The following PRKAG2 variants were observed in gnomAD, a reference collection of about 807,000 sequenced individuals.
The protein encoded by PRKAG2 is 5'-AMP-activated protein kinase subunit gamma-2.
In PRKAG2, 26 loss-of-function variants were observed where a neutral mutation model predicts 69.6. The observed-to-expected ratio is 0.37, with a 90% confidence interval of 0.27 to 0.52. The LOEUF (loss-of-function observed/expected upper bound fraction) is 0.52, where lower values mean the gene tolerates loss of function less well. Ranked by LOEUF, PRKAG2 falls within the 20% of genes least tolerant of loss-of-function variation. The pLI, the probability that PRKAG2 is intolerant of heterozygous loss-of-function variation, is 0.90. For missense variants in PRKAG2, 557 were observed against 740.0 expected (o/e 0.75, Z 2.87); for synonymous variants, 293 against 285.0 (o/e 1.03, Z -0.28).
At chr7:151,607,000 A>G (rs1817689376) in intron 5 of PRKAG2, among the ~76,000 whole-genome samples, 1 of 152,218 alleles carries the variant, frequency 6.6e-6, no homozygotes, top group South Asian at 2.1e-4. Flanking sequence ...GACTTGAGTT[A>G]CTGCTCTACA....
chr7:151,704,173 T>C (rs1585906293), intron 3 of PRKAG2, among the ~76,000 whole-genome samples: 1 of 152,282 alleles, frequency 6.6e-6, no homozygotes, highest in East Asian at 1.9e-4. Flanking sequence ...GGGATATCCA[T>C]CCTCTCAAGC....
chr7:151,655,948 T>C (rs1476926554), intron 4 of PRKAG2, among the ~76,000 whole-genome samples: 1 of 152,192 alleles, frequency 6.6e-6, no homozygotes, highest in Non-Finnish European at 1.5e-5. Flanking sequence ...TTTAGTTATT[T>C]CTCTGTGACA....
At chr7:151,585,695 G>A (rs1811480457) in intron 6 of PRKAG2, among the ~76,000 whole-genome samples, 1 of 152,338 alleles carries the variant, frequency 6.6e-6, no homozygotes, top group Middle Eastern at 3.4e-3. Flanking sequence ...CAAGTCATCT[G>A]TAAATTAGAT....
intron 7 of PRKAG2, 46 bp from the exon 8 acceptor site, chr7:151,574,995 T>G: frequency 1.9e-6 from 3 of 1,607,156 alleles, no homozygotes; most frequent in Non-Finnish European, 2.5e-6. Flanking sequence ...TGAAAACATT[T>G]TTAAAAATTT....
chr7:151,843,521 T>C (rs1178788020), intron 1 of PRKAG2, among the ~76,000 whole-genome samples: 2 of 152,216 alleles, frequency 1.3e-5, no homozygotes, highest in African/African-American at 4.8e-5. Flanking sequence ...CACTGATTTA[T>C]GGAGTAAAGT....
At chr7:151,618,760 G>C (rs1477008375) in intron 5 of PRKAG2, among the ~76,000 whole-genome samples, 1 of 152,014 alleles carries the variant, frequency 6.6e-6, no homozygotes, top group Admixed American at 6.6e-5. Flanking sequence ...GAGAGATTCC[G>C]TCTCAAAAAA....
intron 1 of PRKAG2, among the ~76,000 whole-genome samples, chr7:151,792,266 T>C (rs562521838): frequency 8.3e-4 from 127 of 152,340 alleles, no homozygotes; most frequent in Non-Finnish European, 1.3e-3. Context: ...CTTCAAGTTC[T>C]TCTTAACTAA....
chr7:151,592,973 C>A (rs1813592204), intron 6 of PRKAG2, among the ~76,000 whole-genome samples: 1 of 152,232 alleles, frequency 6.6e-6, no homozygotes, highest in Non-Finnish European at 1.5e-5. Flanking sequence ...CTCCTCTCAA[C>A]TTAGAGGCTC....
At chr7:151,566,919 C>G (rs1017893165) in intron 11 of PRKAG2, among the ~76,000 whole-genome samples, 5 of 152,134 alleles carry the variant, frequency 3.3e-5, no homozygotes, top group African/African-American at 9.7e-5. Context: ...CTTTAGTTAG[C>G]TGAATATTCT....
At chr7:151,639,080 ATG>A (rs1826230529) in intron 4 of PRKAG2, among the ~76,000 whole-genome samples, 1 of 152,128 alleles carries the variant, frequency 6.6e-6, no homozygotes, top group Non-Finnish European at 1.5e-5. Context: ...TGTGCCTGAC[ATG>A]TCCAGGTCTC....
Position 151,773,683 on chromosome 7 carries a change from G to T in PRKAG2, c.466+7469C>A, listed in dbSNP as rs140336753. ...TAAGATTCTTTTTGCTTTTTTAAAA[G>T]ACTTTAATCTTATTATTGGCAGTTC... On this transcript the variant is annotated intron_variant, in intron 3 of 15. Transcript: ENST00000287878. 2.5e-3 allele frequency among the ~76,000 whole-genome samples: 383 copies of T among 152,276 alleles called. 2 individuals carry two copies. Among genetic ancestry groups the T allele is most frequent in the African/African-American group, 8.9e-3 (369 of 41,546 alleles).
At chr7:151,709,902 G>A (rs1183566186) in intron 3 of PRKAG2, among the ~76,000 whole-genome samples, 1 of 152,160 alleles carries the variant, frequency 6.6e-6, no homozygotes, top group Non-Finnish European at 1.5e-5. Context: ...GACAGTGACA[G>A]TGACATGTGA....
chr7:151,775,930 A>G (rs1019369580), intron 3 of PRKAG2, among the ~76,000 whole-genome samples: 3 of 152,230 alleles, frequency 2.0e-5, no homozygotes, highest in Admixed American at 2.0e-4. Context: ...ACCCTGATCC[A>G]GGAATAGATT....
At chr7:151,875,057 C>CT (rs1256279105) in intron 1 of PRKAG2, among the ~76,000 whole-genome samples, 5 of 152,352 alleles carry the variant, frequency 3.3e-5, no homozygotes, top group Non-Finnish European at 7.3e-5. Context: ...GCAGCAACAT[C>CT]TAACTTTTAA....
At position 151,800,164 on chromosome 7, in the gene PRKAG2, T is replaced by C. The variant is rs1043086022; in HGVS notation, c.115-13623A>G. Among the ~76,000 whole-genome samples the C allele has an allele frequency of 4.6e-5, 7 of 152,032 alleles. 1 individual carries two copies. Among genetic ancestry groups the C allele is most frequent in the African/African-American group, 1.4e-4 (6 of 41,464 alleles). On this transcript the variant is annotated intron_variant, in intron 1 of 15. Transcript: ENST00000287878. ...TGAGGTCAGGAGATCGAGACCATCCTGGCTAACATGGTGAAACCCTGTCTC... is the reference window on the plus strand; with the variant it reads ...TGAGGTCAGGAGATCGAGACCATCCCGGCTAACATGGTGAAACCCTGTCTC...
chr7:151,658,427 G>A (rs1160150799), intron 4 of PRKAG2, among the ~76,000 whole-genome samples: 1 of 144,380 alleles, frequency 6.9e-6, no homozygotes, highest in African/African-American at 2.6e-5. Flanking sequence ...AAAGGTTGCA[G>A]TAAGCCAAGA....
At chr7:151,736,006 CCACAGGAGTGG>C (rs1226729798) in intron 3 of PRKAG2, 4 of 1,536,072 alleles carry the variant, frequency 2.6e-6, no homozygotes, top group Non-Finnish European at 3.5e-6. Flanking sequence ...GTAGCTGTGG[CCACAGGAGTGG>C]CGACAGGTGA....
chr7:151,798,318 C>A lies in PRKAG2; in HGVS notation c.115-11777G>T, dbSNP rs185932313. Among the ~76,000 whole-genome samples the A allele has an allele frequency of 2.6e-3, 399 of 151,214 alleles. 1 individual carries two copies. The highest frequency in any genetic ancestry group is 0.021 in the Middle Eastern group (6 of 288). ...TGTCCGGCCTGTTTTTTTGTTTGTT[C>A]GTTTTTTGTTTTTTGAGATGGAGTC... On this transcript the variant is annotated intron_variant, in intron 1 of 15. Coordinates refer to ENST00000287878, the MANE Select transcript of PRKAG2 (RefSeq NM_016203.4).
intron 3 of PRKAG2, among the ~76,000 whole-genome samples, chr7:151,772,185 A>C (rs1285237072): frequency 6.6e-6 from 1 of 152,214 alleles, no homozygotes; most frequent in East Asian, 1.9e-4. Context: ...TACTAAGGTG[A>C]GTCCTTTCAG....
Sources: allele counts gnomAD v4.1 joint callset (sites outside exome capture counted in the v4.1 genomes callset), GRCh38; gene constraint gnomAD v4.1.1; transcripts MANE v1.5; gene names NCBI Gene and HGNC (gene_info 2026-07-23, HGNC 2026-07-21).